FLI1: variants seen among roughly 807,000 people sequenced by gnomAD.
FLI1 encodes the protein Friend leukemia integration 1 transcription factor.
FLI1 carries 13 observed loss-of-function variants against 53.1 expected under a neutral mutation model. The observed-to-expected ratio is 0.24, with a 90% CI of 0.16 to 0.39. The LOEUF is 0.39. FLI1 is among the 10% of genes least tolerant of loss of function. The pLI is 1.00. For missense variants in FLI1, 424 were observed against 600.5 expected, an observed-to-expected ratio of 0.71 and a Z score of 3.07; for synonymous variants, 244 against 236.7, an observed-to-expected ratio of 1.03 and a Z score of -0.28.
chr11:128,807,112 G>T, intron 6 of FLI1, 68 bp from the exon 7 acceptor site: 1 of 942,384 alleles, frequency 1.1e-6, no homozygotes, highest in South Asian at 1.9e-5. Flanking sequence ...AAGCACATCT[G>T]TCAAGACGTC....
chr11:128,805,224 G>A, intron 5 of FLI1, 142 bp from the exon 6 acceptor site: 1 of 563,476 alleles, frequency 1.8e-6, no homozygotes, highest in Non-Finnish European at 3.2e-6. Context: ...CAGGGGGTGA[G>A]TACACTTCCA....
chr11:128,734,147 G>A (rs757782139), intron 1 of FLI1, among the ~76,000 whole-genome samples: 6 of 152,354 alleles, frequency 3.9e-5, no homozygotes, highest in South Asian at 2.1e-4. Context: ...GGTTAAAAGC[G>A]AGGTGGAGAG....
Position 128,805,100 on chromosome 11 carries a change from C to G in FLI1, c.656-266C>G, listed in dbSNP as rs1018988586. The G allele has an allele frequency of 3.9e-5, 14 of 358,870 alleles. No homozygotes were observed. In the Admixed American group the frequency reaches 6.6e-4, roughly 17 times the overall value. The allele number at this position is 358,870 out of a possible 1,614,324, so 22.2% of individuals were successfully genotyped here. A position where few individuals can be genotyped will look rare whatever the true frequency, so the allele number is the denominator to read the frequency against. On this transcript the variant is annotated intron_variant, in intron 5 of 8. Coordinates refer to ENST00000527786, the MANE Select transcript of FLI1 (RefSeq NM_002017.5). ...TCCCAGGTTTCACAACAAAGAGTGT[C>G]AGGAAGAGAACTTGAACCAATCCTC...
At chr11:128,729,541 T>A (rs1306961726) in intron 1 of FLI1, among the ~76,000 whole-genome samples, 1 of 152,198 alleles carries the variant, frequency 6.6e-6, no homozygotes, top group Non-Finnish European at 1.5e-5. Flanking sequence ...ATGTGAGGCA[T>A]ATGGCACTGC....
intron 1 of FLI1, among the ~76,000 whole-genome samples, chr11:128,718,863 G>A (rs1939129480): frequency 6.6e-6 from 1 of 152,164 alleles, no homozygotes; most frequent in African/African-American, 2.4e-5. Flanking sequence ...TAGACTCAGT[G>A]GAAAATCCAG....
At chr11:128,708,656 G>A (rs1305923030) in intron 1 of FLI1, among the ~76,000 whole-genome samples, 1 of 152,162 alleles carries the variant, frequency 6.6e-6, no homozygotes, top group Admixed American at 6.5e-5. Flanking sequence ...GGAGTAGTGA[G>A]TTGCTTTGAG....
intron 5 of FLI1, among the ~76,000 whole-genome samples, chr11:128,786,946 T>C (rs1281967860): frequency 6.6e-6 from 1 of 152,184 alleles, no homozygotes. Context: ...AGGACTGCCA[T>C]TGAACACGGA....
chr11:128,716,054 A>G (rs1352976678), intron 1 of FLI1, among the ~76,000 whole-genome samples: 1 of 152,192 alleles, frequency 6.6e-6, no homozygotes, highest in Non-Finnish European at 1.5e-5. Flanking sequence ...TTAGAAGTCA[A>G]TAAGGGGTCA....
intron 5 of FLI1, among the ~76,000 whole-genome samples, chr11:128,788,092 C>T (rs1942154339): frequency 6.6e-6 from 1 of 151,806 alleles, no homozygotes; most frequent in African/African-American, 2.4e-5. Context: ...CCGCTAATTA[C>T]AGTATTTTTG....
chr11:128,729,573 C>G (rs149440046), intron 1 of FLI1, among the ~76,000 whole-genome samples: 4 of 152,318 alleles, frequency 2.6e-5, no homozygotes, highest in Non-Finnish European at 5.9e-5. Flanking sequence ...ACGAGTGCAC[C>G]AAGCAGGCTC....
intron 1 of FLI1, among the ~76,000 whole-genome samples, chr11:128,713,164 T>C (rs920968122): frequency 2.0e-5 from 3 of 152,180 alleles, no homozygotes; most frequent in African/African-American, 7.2e-5. Flanking sequence ...GAGGTCCAAC[T>C]CTATGTAATG....
intron 1 of FLI1, among the ~76,000 whole-genome samples, chr11:128,733,651 G>A (rs1939790033): frequency 6.6e-6 from 1 of 152,194 alleles, no homozygotes; most frequent in Non-Finnish European, 1.5e-5. Flanking sequence ...GGACTCAGTT[G>A]GCAGGAATGT....
chr11:128,795,533 T>C (rs867324476), intron 5 of FLI1, among the ~76,000 whole-genome samples: 7 of 151,244 alleles, frequency 4.6e-5, no homozygotes, highest in Middle Eastern at 3.5e-3. Flanking sequence ...TAGAGTTCTG[T>C]AGGATGCGTT....
In FLI1 at chr11:128,812,727, C is replaced by T. The variant is rs973630773; in HGVS notation, c.*1739C>T. On this transcript the variant is annotated 3_prime_UTR_variant, in exon 9 of 9. Coordinates refer to ENST00000527786, the MANE Select transcript of FLI1 (RefSeq NM_002017.5). ...ATCCAGACTGGTCTGTGAGATTTAA[C>T]TCTGCAGCCTCCCCTGGGCACTTCA... 7.3e-5 allele frequency: 16 copies of T among 218,032 alleles called. No homozygotes were observed. Among genetic ancestry groups the T allele is most frequent in the Non-Finnish European group, 1.3e-4 (14 of 108,288 alleles). The allele number at this position is 218,032 out of a possible 1,614,324, so 13.5% of individuals were successfully genotyped here.
intron 1 of FLI1, among the ~76,000 whole-genome samples, chr11:128,731,262 C>G (rs1376913929): frequency 6.6e-6 from 1 of 152,104 alleles, no homozygotes; most frequent in Non-Finnish European, 1.5e-5. Flanking sequence ...TGGACTAACC[C>G]CAGCACTGCT....
intron 1 of FLI1, among the ~76,000 whole-genome samples, chr11:128,695,399 G>C (rs1307237913): frequency 6.6e-6 from 1 of 152,190 alleles, no homozygotes; most frequent in African/African-American, 2.4e-5. Context: ...GCGGGAGTCT[G>C]TCTGGAAAAA....
At chr11:128,784,410 C>A (rs1205616288) in intron 5 of FLI1, among the ~76,000 whole-genome samples, 1 of 152,206 alleles carries the variant, frequency 6.6e-6, no homozygotes, top group Non-Finnish European at 1.5e-5. Context: ...TGCTGGGTAG[C>A]AACCCCTCTT....
Position 128,810,145 on chromosome 11 carries a change from A to AG in FLI1, c.830-308dup, listed in dbSNP as rs148142504. On this transcript the variant is annotated intron_variant, in intron 8 of 8. Transcript: ENST00000527786. This position sits in a 1 kb window ranked among gnomAD's most constrained non-coding sequence, Gnocchi z 6.6. ...TTCAAAAGCCTTGCCAAAGGGATTG[A>AG]GGGGGGATATGGCTCACCCAAGATC... 0.022 allele frequency among the ~76,000 whole-genome samples: 3,345 copies of AG among 151,978 alleles called. 52 individuals carry two copies. Among genetic ancestry groups the AG allele is most frequent in the Middle Eastern group, 0.055 (16 of 290 alleles).
At chr11:128,708,185 C>T (rs116637116) in intron 1 of FLI1, among the ~76,000 whole-genome samples, 1,878 of 152,220 alleles carry the variant, frequency 0.012, 19 homozygotes, top group Middle Eastern at 0.037. Flanking sequence ...CTCAGAGCTA[C>T]CAAAAAGGGA....
Sources: allele counts gnomAD v4.1 joint callset (sites outside exome capture counted in the v4.1 genomes callset), GRCh38; gene constraint gnomAD v4.1.1; non-coding constraint Gnocchi (gnomAD v3.1); transcripts MANE v1.5; gene names NCBI Gene and HGNC (gene_info 2026-07-23, HGNC 2026-07-21).